CUX2: variants seen among roughly 807,000 people sequenced by gnomAD.
CUX2 encodes cut like homeobox 2.
A neutral mutation model predicts 144.8 loss-of-function variants in CUX2; 40 were observed. That is an observed-to-expected ratio of 0.28 (90% CI 0.21 to 0.36). The LOEUF (loss-of-function observed/expected upper bound fraction) is 0.36, where lower values mean the gene tolerates loss of function less well. CUX2 is among the 10% of genes least tolerant of loss of function. CUX2 has a pLI of 1.00. For missense variants in CUX2, 1,615 were observed against 1,994.0 expected (o/e 0.81, Z 3.62); for synonymous variants, 827 against 875.6 (o/e 0.94, Z 0.98).
intron 1 of CUX2, among the ~76,000 whole-genome samples, chr12:111,130,288 T>A (rs1409162133): frequency 6.6e-6 from 1 of 152,232 alleles, no homozygotes; most frequent in Non-Finnish European, 1.5e-5. Flanking sequence ...GGTTAAACTT[T>A]TGATCCCTTG....
intron 1 of CUX2, among the ~76,000 whole-genome samples, chr12:111,112,683 G>A (rs1566229610): frequency 6.6e-6 from 1 of 152,196 alleles, no homozygotes; most frequent in East Asian, 1.9e-4. Context: ...ACTCTGTCCT[G>A]ACTTCCATCT....
intron 1 of CUX2, among the ~76,000 whole-genome samples, chr12:111,184,891 G>A (rs565689583): frequency 2.0e-5 from 3 of 152,022 alleles, no homozygotes; most frequent in East Asian, 3.9e-4. Flanking sequence ...GTGAAACCCC[G>A]TCTCTACTAA....
chr12:111,296,397 G>A, intron 7 of CUX2, 76 bp from the exon 8 acceptor site: 2 of 1,345,806 alleles, frequency 1.5e-6, no homozygotes, highest in South Asian at 2.5e-5. Flanking sequence ...CAGAAGGAGT[G>A]GGCTCCACCT....
intron 20 of CUX2, among the ~76,000 whole-genome samples, chr12:111,341,527 C>T (rs1307612292): frequency 6.6e-6 from 1 of 152,074 alleles, no homozygotes; most frequent in Non-Finnish European, 1.5e-5. Flanking sequence ...AGGAATGCTC[C>T]TGAGTCTTCG....
rs746741287 is a variant in CUX2, at chr12:111,160,705, A to G, written c.64-53495A>G. Among the ~76,000 whole-genome samples the G allele has an allele frequency of 2.6e-5, 4 of 152,122 alleles. No homozygotes were observed. Among genetic ancestry groups the G allele is most frequent in the Non-Finnish European group, 5.9e-5 (4 of 68,012 alleles). On this transcript the variant is annotated intron_variant, in intron 1 of 21. Coordinates refer to ENST00000261726, the MANE Select transcript of CUX2 (RefSeq NM_015267.4). This position sits in a 1 kb window ranked among gnomAD's most constrained non-coding sequence, Gnocchi z 4.1. ...GGCATTTTCAGGGGATTCCTCTGGA[A>G]CAGCACCGTGGGGGGCAGGCGGTGG...
At chr12:111,280,521 G>C (rs1885076920) in intron 4 of CUX2, among the ~76,000 whole-genome samples, 2 of 152,162 alleles carry the variant, frequency 1.3e-5, no homozygotes, top group Non-Finnish European at 2.9e-5. Flanking sequence ...TCTGGCTGCT[G>C]TGCCCCATTA....
Position 111,304,470 on chromosome 12 carries a change from C to T in CUX2, c.858+156C>T, listed in dbSNP as rs1487961571. Among the ~76,000 whole-genome samples the T allele has an allele frequency of 2.0e-5, 3 of 152,128 alleles. No homozygotes were observed. Among genetic ancestry groups the T allele is most frequent in the African/African-American group, 2.4e-5 (1 of 41,426 alleles). ...GAATGTGTGTGGGTCTCTGTGCATACGGTGAGCATAATCACTATGACCTGC... is the reference window on the plus strand; with the variant it reads ...GAATGTGTGTGGGTCTCTGTGCATATGGTGAGCATAATCACTATGACCTGC... On this transcript the variant is annotated intron_variant, in intron 10 of 21. Coordinates refer to ENST00000261726, the MANE Select transcript of CUX2 (RefSeq NM_015267.4). This position sits in a 1 kb window ranked among gnomAD's most constrained non-coding sequence, Gnocchi z 4.7.
chr12:111,147,171 C>T (rs1381232873), intron 1 of CUX2, among the ~76,000 whole-genome samples: 1 of 152,184 alleles, frequency 6.6e-6, no homozygotes, highest in African/African-American at 2.4e-5. Flanking sequence ...TGCATGCATG[C>T]ATGCTCTGAT....
intron 3 of CUX2, among the ~76,000 whole-genome samples, chr12:111,231,921 C>T (rs1391324034): frequency 6.6e-6 from 1 of 152,086 alleles, no homozygotes; most frequent in Non-Finnish European, 1.5e-5. Flanking sequence ...ACCTGGCCAA[C>T]ATGGTGAAAC....
chr12:111,084,520 C>A (rs111710774), intron 1 of CUX2, among the ~76,000 whole-genome samples: 3 of 151,276 alleles, frequency 2.0e-5, no homozygotes, highest in African/African-American at 7.3e-5. Flanking sequence ...CTAGAACAAG[C>A]CACTGGCTAT....
intron 3 of CUX2, among the ~76,000 whole-genome samples, chr12:111,237,607 A>C (rs563091824): frequency 6.6e-6 from 1 of 152,308 alleles, no homozygotes; most frequent in South Asian, 2.1e-4. Context: ...TGAGCTGTTT[A>C]GAAACAGGTA....
intron 1 of CUX2, among the ~76,000 whole-genome samples, chr12:111,150,204 A>C (rs1876947304): frequency 6.6e-6 from 1 of 152,208 alleles, no homozygotes; most frequent in Non-Finnish European, 1.5e-5. Flanking sequence ...GTGGCAAGAC[A>C]GGGCTGTCAG....
intron 1 of CUX2, among the ~76,000 whole-genome samples, chr12:111,151,103 T>A (rs1207698169): frequency 6.6e-6 from 1 of 152,250 alleles, no homozygotes; most frequent in Admixed American, 6.5e-5. Context: ...ATAGCAGTCA[T>A]TTAACACTCC....
chr12:111,164,391 C>G (rs1877988369), intron 1 of CUX2, among the ~76,000 whole-genome samples: 1 of 151,848 alleles, frequency 6.6e-6, no homozygotes, highest in African/African-American at 2.4e-5. Flanking sequence ...GCCTGGCCAA[C>G]ATGGTGAAAC....
intron 16 of CUX2, among the ~76,000 whole-genome samples, chr12:111,316,503 G>A (rs1393064790): frequency 1.4e-5 from 2 of 142,464 alleles, no homozygotes; most frequent in Non-Finnish European, 3.0e-5. Context: ...AGGCTGGAGT[G>A]CAGTGGTGTG....
At chr12:111,247,379 C>T (rs1303673305) in intron 3 of CUX2, among the ~76,000 whole-genome samples, 1 of 152,246 alleles carries the variant, frequency 6.6e-6, no homozygotes, top group African/African-American at 2.4e-5. Flanking sequence ...ACTTCAGTGA[C>T]ATTTGGGCAG....
chr12:111,290,226 A>G (rs1361717137), intron 4 of CUX2, among the ~76,000 whole-genome samples: 2 of 152,174 alleles, frequency 1.3e-5, no homozygotes, highest in East Asian at 1.9e-4. Context: ...TTAGCTGGGC[A>G]TGGTGGTGCA....
Position 111,191,794 on chromosome 12 carries a change from C to A in CUX2, c.64-22406C>A, listed in dbSNP as rs185569161. ...CTTTCCTCTGTTCTCCACCTGGGGA[C>A]CCCCCCACTTTGTTCATGCCCAGAG... is the stretch of plus-strand genomic sequence containing the variant. On this transcript the variant is annotated intron_variant, in intron 1 of 21. Transcript: ENST00000261726. Among the ~76,000 whole-genome samples, 439 of 152,220 alleles carry A rather than the reference C, an allele frequency of 2.9e-3. 2 individuals are homozygous for A. The highest frequency in any genetic ancestry group is 0.01 in the Middle Eastern group (3 of 294).
intron 1 of CUX2, among the ~76,000 whole-genome samples, chr12:111,117,603 AAGG>A (rs570546210): frequency 5.6e-4 from 86 of 152,308 alleles, no homozygotes; most frequent in Non-Finnish European, 9.6e-4. Context: ...AGTAAACAAC[AAGG>A]AGTTCCTCTG....
Sources: allele counts gnomAD v4.1 joint callset (sites outside exome capture counted in the v4.1 genomes callset), GRCh38; gene constraint gnomAD v4.1.1; non-coding constraint Gnocchi (gnomAD v3.1); transcripts MANE v1.5; gene names NCBI Gene and HGNC (gene_info 2026-07-23, HGNC 2026-07-21).